The following RTL4 variants were observed in gnomAD, a reference collection of about 807,000 sequenced individuals.
The protein encoded by RTL4 is retrotransposon Gag like 4.
RTL4 carries 4 observed loss-of-function variants against 5.3 expected under a neutral mutation model. The observed-to-expected ratio is 0.75, with a 90% CI of 0.37 to 1.72. The LOEUF is 1.72. Among genes scored for constraint, RTL4 ranks in the 40% most tolerant of loss-of-function variants. The pLI is 0.04. For missense variants in RTL4, 260 were observed against 227.1 expected, an observed-to-expected ratio of 1.14 and a Z score of -0.93; for synonymous variants, 98 against 87.3, an observed-to-expected ratio of 1.12 and a Z score of -0.68.
chrX:112,350,617 T>G, the RTL4 span, among the ~76,000 whole-genome samples: 2 of 111,669 alleles, frequency 1.8e-5, no homozygotes, highest in African/African-American at 3.3e-5. Context: ...GTCGAGGAAT[T>G]TATCCATTTC....
At chrX:112,359,323 A>C in the RTL4 span, among the ~76,000 whole-genome samples, 1 of 111,640 alleles carries the variant, frequency 9.0e-6, no homozygotes, top group Non-Finnish European at 1.9e-5. Flanking sequence ...AGTTATTTTA[A>C]AATGCAAAAT....
the RTL4 span, among the ~76,000 whole-genome samples, chrX:112,340,575 A>G: frequency 0.082 from 3,412 of 41,666 alleles, 218 homozygotes; most frequent in African/African-American, 0.26. Context: ...TTATCTTTTC[A>G]TCTTTTCGGC....
At chrX:112,390,542 C>T in the RTL4 span, among the ~76,000 whole-genome samples, 1 of 110,273 alleles carries the variant, frequency 9.1e-6, no homozygotes, top group Admixed American at 9.7e-5. Context: ...CTTATTTCTC[C>T]TTCATTTAGG....
At chrX:112,404,242 TGTC>T in the RTL4 span, among the ~76,000 whole-genome samples, 1 of 112,199 alleles carries the variant, frequency 8.9e-6, no homozygotes, top group Non-Finnish European at 1.9e-5. Flanking sequence ...ACAATTACAT[TGTC>T]GTATTCATAT....
At chrX:112,348,218 A>G in the RTL4 span, among the ~76,000 whole-genome samples, 7 of 109,666 alleles carry the variant, frequency 6.4e-5, 1 homozygote, top group South Asian at 1.2e-3. Flanking sequence ...CTGATTAGAC[A>G]TGGCGTCACA....
the RTL4 span, among the ~76,000 whole-genome samples, chrX:112,403,921 G>A: frequency 8.9e-6 from 1 of 112,194 alleles, no homozygotes; most frequent in Admixed American, 9.4e-5. Flanking sequence ...AAAATCAAGA[G>A]ATCACACATA....
chrX:112,200,036 T>A, the RTL4 span, among the ~76,000 whole-genome samples: 7 of 112,359 alleles, frequency 6.2e-5, no homozygotes, highest in East Asian at 2.0e-3. Flanking sequence ...ATTAAATTCA[T>A]ACCACAACCT....
At chrX:112,162,272 G>C in the RTL4 span, among the ~76,000 whole-genome samples, 1 of 111,370 alleles carries the variant, frequency 9.0e-6, no homozygotes, top group African/African-American at 3.3e-5. Flanking sequence ...CCTTTCTAAG[G>C]CAACACAAAT....
the RTL4 span, among the ~76,000 whole-genome samples, chrX:112,421,693 C>A: frequency 2.7e-5 from 3 of 112,175 alleles, no homozygotes; most frequent in African/African-American, 9.7e-5. Context: ...GACACCCCTT[C>A]TTGAGCACAC....
chrX:112,414,435 A>C, the RTL4 span, among the ~76,000 whole-genome samples: 1 of 111,185 alleles, frequency 9.0e-6, no homozygotes, highest in East Asian at 2.8e-4. Flanking sequence ...AAAAGGCTCT[A>C]ATGCTCTCTT....
chrX:112,355,459 C>A, the RTL4 span, among the ~76,000 whole-genome samples: 2 of 111,021 alleles, frequency 1.8e-5, no homozygotes, highest in Non-Finnish European at 3.8e-5. Context: ...TTCTTTTTCT[C>A]ATTTTGAGTT....
At chrX:112,190,592 A>G in the RTL4 span, among the ~76,000 whole-genome samples, 2 of 112,131 alleles carry the variant, frequency 1.8e-5, no homozygotes, top group Non-Finnish European at 3.8e-5. Flanking sequence ...TATTTATGCC[A>G]CAGGAGGTGC....
the RTL4 span, among the ~76,000 whole-genome samples, chrX:112,251,027 G>T: frequency 8.9e-6 from 1 of 111,894 alleles, no homozygotes; most frequent in Admixed American, 9.5e-5. Flanking sequence ...TGTATTGAGT[G>T]CTTACTAAGT....
At chrX:112,172,151 C>T in the RTL4 span, among the ~76,000 whole-genome samples, 2 of 111,704 alleles carry the variant, frequency 1.8e-5, no homozygotes, top group Non-Finnish European at 3.8e-5. Flanking sequence ...ATGGTGAAAA[C>T]CCATCTCTAC....
the RTL4 span, among the ~76,000 whole-genome samples, chrX:112,268,107 G>A: frequency 2.7e-5 from 3 of 111,390 alleles, no homozygotes; most frequent in Non-Finnish European, 5.7e-5. Context: ...CCTTATAATG[G>A]CCTTCAAGAT....
At chrX:112,084,691 T>C in the RTL4 span, among the ~76,000 whole-genome samples, 4 of 111,237 alleles carry the variant, frequency 3.6e-5, no homozygotes, top group Admixed American at 2.9e-4. Flanking sequence ...TTCCCTTTTT[T>C]TAGCCAAACT....
the RTL4 span, among the ~76,000 whole-genome samples, chrX:112,161,889 T>TTTCTTTCTTCTTTCTTTC: frequency 1.2e-5 from 1 of 85,142 alleles, no homozygotes; most frequent in East Asian, 3.7e-4. Flanking sequence ...TTCTTCTTTC[T>TTTCTTTCTTCTTTCTTTC]TTCTTCTTTT....
the RTL4 span, among the ~76,000 whole-genome samples, chrX:112,337,096 A>G: frequency 2.7e-5 from 3 of 111,583 alleles, no homozygotes; most frequent in Admixed American, 1.9e-4. Flanking sequence ...GAAGTTTGCC[A>G]GCTCTTACTT....
the RTL4 span, among the ~76,000 whole-genome samples, chrX:112,243,005 G>T: frequency 9.0e-6 from 1 of 111,632 alleles, no homozygotes; most frequent in East Asian, 2.8e-4. Context: ...ACTGATTTGT[G>T]TATGTTGAAC....
Sources: gnomAD v4.1 joint callset for allele counts (sites outside exome capture counted in the v4.1 genomes callset) on GRCh38, gnomAD v4.1.1 for gene constraint, MANE v1.5 for transcripts, NCBI Gene and HGNC (gene_info 2026-07-23, HGNC 2026-07-21) for gene names.